NDST3: variants seen among roughly 807,000 people sequenced by gnomAD.
NDST3 encodes the protein bifunctional heparan sulfate N-deacetylase/N-sulfotransferase 3.
NDST3 carries 58 observed loss-of-function variants against 96.1 expected under a neutral mutation model. The ratio of observed to expected loss-of-function variants is 0.60; its 90% CI spans 0.49 to 0.75. The LOEUF (loss-of-function observed/expected upper bound fraction) is 0.75. NDST3 is among the 30% of genes least tolerant of loss of function. NDST3 has a pLI of 0.00. For missense variants in NDST3, 788 were observed against 1,034.2 expected, an observed-to-expected ratio of 0.76 and a Z score of 3.27; for synonymous variants, 333 against 359.7, an observed-to-expected ratio of 0.93 and a Z score of 0.84.
chr4:118,158,804 A>T (rs554831149), intron 6 of NDST3, among the ~76,000 whole-genome samples: 62 of 152,364 alleles, frequency 4.1e-4, no homozygotes, highest in Admixed American at 6.5e-4. Flanking sequence ...TACAAAATAA[A>T]GTAGGGTGAC....
At chr4:118,110,069 C>T (rs1730517700) in intron 3 of NDST3, among the ~76,000 whole-genome samples, 1 of 152,030 alleles carries the variant, frequency 6.6e-6, no homozygotes, top group African/African-American at 2.4e-5. Flanking sequence ...TAAAGGGGCC[C>T]AAGGTCACAT....
At chr4:118,250,017 T>C (rs1281417795) in intron 12 of NDST3, among the ~76,000 whole-genome samples, 1 of 152,242 alleles carries the variant, frequency 6.6e-6, no homozygotes, top group Non-Finnish European at 1.5e-5. Context: ...GTTTCCTCTA[T>C]GTTGCTACAT....
chr4:118,120,316 C>T (rs11931079), intron 4 of NDST3, among the ~76,000 whole-genome samples: 17,128 of 151,806 alleles, frequency 0.11, 1,187 homozygotes, highest in African/African-American at 0.2. Context: ...GCACCAGGGT[C>T]GCTCAGGAGG....
intron 4 of NDST3, among the ~76,000 whole-genome samples, chr4:118,133,578 T>C (rs892124466): frequency 1.3e-5 from 2 of 152,238 alleles, no homozygotes; most frequent in Non-Finnish European, 2.9e-5. Flanking sequence ...GGTGCTTTTC[T>C]GTATGCAGAT....
rs764351251 is a variant in NDST3 at position 118,237,111 on chromosome 4, A to G, written c.2009A>G (p.Asn670Ser). The G allele has an allele frequency of 6.2e-7, 1 of 1,612,804 alleles. No individual in the cohort carries two copies. The highest frequency in any genetic ancestry group is 2.2e-5 in the East Asian group (1 of 44,808). ...TTDFLFEKSA[N>S]YFHSEEAPKR... ...GACTTTTTGTTTGAGAAGAGTGCCA[A>G]TTACTTCCACTCAGAGGAAGCCCCT... Residue 670 changes from asparagine (N) to serine (S), a missense_variant, in exon 10 of 14, where the codon AAT becomes AGT. This residue lies in a region of NDST3 where 490 missense variants were observed against 708.8 expected (regional missense o/e 0.69). Coordinates refer to ENST00000296499, the MANE Select transcript of NDST3 (RefSeq NM_004784.3).
intron 6 of NDST3, among the ~76,000 whole-genome samples, chr4:118,215,673 A>C (rs1280665363): frequency 6.6e-6 from 1 of 152,132 alleles, no homozygotes; most frequent in Non-Finnish European, 1.5e-5. Context: ...TATGTGATAG[A>C]CTAAGATCAC....
intron 6 of NDST3, among the ~76,000 whole-genome samples, chr4:118,217,815 A>G (rs1739285116): frequency 6.6e-6 from 1 of 152,060 alleles, no homozygotes; most frequent in Non-Finnish European, 1.5e-5. Flanking sequence ...TTGCTTTGGT[A>G]AAAAACAAGA....
intron 2 of NDST3, among the ~76,000 whole-genome samples, chr4:118,077,729 G>T (rs1017762829): frequency 6.6e-6 from 1 of 152,142 alleles, no homozygotes; most frequent in Admixed American, 6.5e-5. Context: ...TCCTGCTTGG[G>T]CACCACCCAA....
At chr4:118,072,355 T>A (rs1487761532) in intron 2 of NDST3, among the ~76,000 whole-genome samples, 1 of 152,086 alleles carries the variant, frequency 6.6e-6, no homozygotes, top group South Asian at 2.1e-4. Flanking sequence ...TTCTTCCTAT[T>A]CATGAGCACG....
chr4:118,044,440 C>T (rs1315951773), intron 1 of NDST3, among the ~76,000 whole-genome samples: 1 of 152,176 alleles, frequency 6.6e-6, no homozygotes, highest in Non-Finnish European at 1.5e-5. Flanking sequence ...GTTCTTGTCC[C>T]CCTTTCTCTG....
At chr4:118,086,673 A>T (rs1447307829) in intron 2 of NDST3, among the ~76,000 whole-genome samples, 1 of 152,174 alleles carries the variant, frequency 6.6e-6, no homozygotes, top group Non-Finnish European at 1.5e-5. Context: ...CTCGCAGGAC[A>T]TCAGGCCTTA....
intron 4 of NDST3, among the ~76,000 whole-genome samples, chr4:118,133,388 T>C (rs1295159943): frequency 6.6e-6 from 1 of 152,070 alleles, no homozygotes; most frequent in African/African-American, 2.4e-5. Context: ...GTCACTGTGC[T>C]CTCCCTCCCC....
chr4:118,180,089 A>G (rs76765001), intron 6 of NDST3, among the ~76,000 whole-genome samples: 240 of 152,164 alleles, frequency 1.6e-3, no homozygotes, highest in African/African-American at 5.4e-3. Flanking sequence ...ACAAAGAAAT[A>G]GGGTTTGTTT....
intron 12 of NDST3, among the ~76,000 whole-genome samples, chr4:118,243,119 A>T (rs553281334): frequency 5.8e-5 from 8 of 138,568 alleles, no homozygotes; most frequent in South Asian, 2.3e-4. Context: ...ACTGAGCCTT[A>T]AAAAAAAACT....
chr4:118,238,563 A>G (rs1369477300), intron 10 of NDST3, among the ~76,000 whole-genome samples: 2 of 152,174 alleles, frequency 1.3e-5, no homozygotes, highest in Non-Finnish European at 2.9e-5. Flanking sequence ...CTTAGTTCTC[A>G]TTTCTCAGTT....
chr4:118,161,286 G>A (rs939529142), intron 6 of NDST3, among the ~76,000 whole-genome samples: 3 of 152,196 alleles, frequency 2.0e-5, no homozygotes, highest in Non-Finnish European at 2.9e-5. Flanking sequence ...CCCTACTGGG[G>A]GATGCCTCCC....
intron 2 of NDST3, among the ~76,000 whole-genome samples, chr4:118,085,801 A>G (rs1347823931): frequency 6.6e-6 from 1 of 152,212 alleles, no homozygotes; most frequent in Non-Finnish European, 1.5e-5. Flanking sequence ...AAACCAGAAC[A>G]CAAAGCCATG....
chr4:118,042,015 G>C (rs1724499852), intron 1 of NDST3, among the ~76,000 whole-genome samples: 1 of 152,130 alleles, frequency 6.6e-6, no homozygotes, highest in South Asian at 2.1e-4. Context: ...GAGGAATTGG[G>C]TTTTTGTAGC....
chr4:118,124,325 G>T (rs890614183), intron 4 of NDST3, among the ~76,000 whole-genome samples: 8 of 152,014 alleles, frequency 5.3e-5, no homozygotes, highest in Admixed American at 3.9e-4. Context: ...GTTTACCTTG[G>T]TTTTTTTGTT....
Sources: allele counts gnomAD v4.1 joint callset (sites outside exome capture counted in the v4.1 genomes callset), GRCh38; gene constraint gnomAD v4.1.1; regional missense constraint gnomAD v4.1.1; transcripts MANE v1.5; gene names NCBI Gene and HGNC (gene_info 2026-07-23, HGNC 2026-07-21).